The following CPEB3 variants were observed in gnomAD, a reference collection of about 807,000 sequenced individuals.
The protein encoded by CPEB3 is cytoplasmic polyadenylation element-binding protein 3.
Under a neutral mutation model 67.2 loss-of-function variants are expected in CPEB3, and 20 were observed. That is an observed-to-expected ratio of 0.30 (90% CI 0.21 to 0.43). The LOEUF is 0.43. CPEB3 is among the 20% of genes least tolerant of loss of function. The probability of loss-of-function intolerance (pLI) is 1.00; values close to 1 mark genes in which losing one functional copy is unlikely to be tolerated. For missense variants in CPEB3, 746 were observed against 968.6 expected, an observed-to-expected ratio of 0.77 and a Z score of 3.05; for synonymous variants, 376 against 393.1, an observed-to-expected ratio of 0.96 and a Z score of 0.51.
rs1462898528 is a variant in CPEB3, at chr10:92,049,731, G to A, written c.*2481C>T. The A allele has an allele frequency of 3.9e-5, 6 of 152,360 alleles. No individual in the cohort carries two copies. The highest frequency in any genetic ancestry group is 1.5e-4 in the African/African-American group (6 of 41,348). 9.4% of individuals were successfully genotyped at this position (152,360 alleles called of 1,614,324 possible). A position where few individuals can be genotyped will look rare whatever the true frequency, so the allele number is the denominator to read the frequency against. ...TAGCTTTATGCTGTACAATCTTCCA[G>A]CTTTTAAAAAAATCTCAGTGTTATT... is the stretch of plus-strand genomic sequence containing the variant. On this transcript the variant is annotated 3_prime_UTR_variant, in exon 10 of 10. Coordinates refer to ENST00000265997, the MANE Select transcript of CPEB3 (RefSeq NM_014912.5).
chr10:92,280,669 A>C (rs1842243109), intron 1 of CPEB3, among the ~76,000 whole-genome samples: 2 of 150,006 alleles, frequency 1.3e-5, no homozygotes, highest in East Asian at 1.9e-4. Flanking sequence ...AAAAAAAAAA[A>C]AACCAAACAA....
intron 9 of CPEB3, among the ~76,000 whole-genome samples, chr10:92,067,509 A>G (rs956170434): frequency 4.0e-5 from 6 of 150,760 alleles, no homozygotes; most frequent in African/African-American, 1.5e-4. Flanking sequence ...TCAAAGAAAT[A>G]AAAAAAAGAA....
At chr10:92,143,149 G>A (rs1456653313) in intron 5 of CPEB3, 31 bp from the exon 6 acceptor site, 3 of 1,547,002 alleles carry the variant, frequency 1.9e-6, no homozygotes, top group African/African-American at 1.4e-5. Flanking sequence ...CTTAGCAAAA[G>A]AGAAAAAAAT....
chr10:92,111,277 C>A lies in CPEB3; in HGVS notation c.1454-83G>T, dbSNP rs1190725366. 3 of 962,592 alleles carry A rather than the reference C, an allele frequency of 3.1e-6. No homozygotes were observed. In the African/African-American group the frequency reaches 4.9e-5, roughly 16 times the overall value. 59.6% of individuals were successfully genotyped at this position (962,592 alleles called of 1,614,324 possible). On this transcript the variant is annotated intron_variant, in intron 6 of 9. Transcript: ENST00000265997. Reference sequence around the variant, plus strand: ...ACCAATTACAAATTATCTGTTGTTTCATTTTGGCAAATTCTTACTAAAATC... The same window carrying A: ...ACCAATTACAAATTATCTGTTGTTTAATTTTGGCAAATTCTTACTAAAATC...
intron 4 of CPEB3, among the ~76,000 whole-genome samples, chr10:92,162,155 GAGAA>G (rs1249436754): frequency 6.6e-6 from 1 of 150,612 alleles, no homozygotes; most frequent in Non-Finnish European, 1.5e-5. Flanking sequence ...TTTTTTTTAA[GAGAA>G]AGAATCTTTT....
chr10:92,094,580 C>T (rs1434736702), intron 7 of CPEB3, among the ~76,000 whole-genome samples: 1 of 148,896 alleles, frequency 6.7e-6, no homozygotes, highest in Non-Finnish European at 1.5e-5. Flanking sequence ...CCAGCCTGGG[C>T]GGTAGAGCGA....
At chr10:92,065,914 T>G (rs1201932937) in intron 9 of CPEB3, among the ~76,000 whole-genome samples, 1 of 151,908 alleles carries the variant, frequency 6.6e-6, no homozygotes, top group Non-Finnish European at 1.5e-5. Context: ...GGCAACATGC[T>G]GAGACCCCCC....
At chr10:92,190,001 A>G (rs1480134599) in intron 3 of CPEB3, among the ~76,000 whole-genome samples, 1 of 152,056 alleles carries the variant, frequency 6.6e-6, no homozygotes, top group Non-Finnish European at 1.5e-5. Context: ...CTCTGGGGCC[A>G]GGCAGGGTGG....
chr10:92,109,517 G>T (rs904818166), intron 7 of CPEB3, among the ~76,000 whole-genome samples: 5 of 152,234 alleles, frequency 3.3e-5, no homozygotes, highest in Non-Finnish European at 5.9e-5. Flanking sequence ...CTCCCAAAGT[G>T]CTGGGATTAC....
At chr10:92,069,698 C>T (rs1377922062) in intron 9 of CPEB3, among the ~76,000 whole-genome samples, 2 of 152,076 alleles carry the variant, frequency 1.3e-5, no homozygotes, top group African/African-American at 2.4e-5. Flanking sequence ...AGCCACTGTG[C>T]CAGCTACAAT....
chr10:92,221,178 TAAC>T lies in CPEB3; in HGVS notation c.1005+18165_1005+18167del, dbSNP rs555426845. On this transcript the variant is annotated intron_variant, in intron 2 of 9. Coordinates refer to ENST00000265997, the MANE Select transcript of CPEB3 (RefSeq NM_014912.5). The stretch of plus-strand genomic sequence containing the variant: ...AGTTATAACTCCTGTACCAGAAATG[TAAC>T]AACATCTCACTCTTGAATCAAAACT... Among the ~76,000 whole-genome samples, 19 of 152,328 alleles carry T rather than the reference TAAC, an allele frequency of 1.2e-4. No individual in the cohort carries two copies. In the East Asian group the frequency reaches 2.5e-3, roughly 20 times the overall value.
chr10:92,060,181 A>G (rs1842286666), intron 9 of CPEB3, among the ~76,000 whole-genome samples: 1 of 151,626 alleles, frequency 6.6e-6, no homozygotes, highest in South Asian at 2.1e-4. Flanking sequence ...ACATGGTGAA[A>G]CCCCATCTCT....
Position 92,240,298 on chromosome 10 carries a change from T to TGCTGGG in CPEB3, c.47_52dup (p.Pro16_Gln17dup), listed in dbSNP as rs755572797. ...GGGCTGCTGCTGCTGCCGCTGCTGC[T>TGCTGGG]GCTGGGGCTGGGGCTGGGTTTTGCT... On this transcript the variant is annotated inframe_insertion, in exon 2 of 10. Transcript: ENST00000265997. 24 of 1,515,968 alleles carry TGCTGGG rather than the reference T, an allele frequency of 1.6e-5. No homozygotes were observed. The East Asian group carries it at 2.7e-4, about 17-fold the overall frequency. 93.9% of individuals were successfully genotyped at this position (1,515,968 alleles called of 1,614,324 possible).
upstream of CPEB3, chr10:92,291,159 C>T (rs546704624): frequency 4.0e-4 from 175 of 432,796 alleles, no homozygotes; most frequent in African/African-American, 2.7e-3. Flanking sequence ...ACGGAGGCGG[C>T]GACTCTTACC....
intron 9 of CPEB3, among the ~76,000 whole-genome samples, chr10:92,070,288 C>T (rs933447517): frequency 2.9e-4 from 44 of 152,146 alleles, no homozygotes; most frequent in Non-Finnish European, 1.9e-4. Context: ...AATAAACCAG[C>T]CTTTCTTTAA....
chr10:92,213,988 A>G (rs891351924), intron 2 of CPEB3, among the ~76,000 whole-genome samples: 1 of 152,170 alleles, frequency 6.6e-6, no homozygotes. Flanking sequence ...AACCATACAT[A>G]TGACTCAACT....
chr10:92,144,057 C>T (rs1846564202), intron 5 of CPEB3, among the ~76,000 whole-genome samples: 1 of 151,956 alleles, frequency 6.6e-6, no homozygotes, highest in South Asian at 2.1e-4. Flanking sequence ...TTGTTTTTTG[C>T]TTAAGTTAAC....
At chr10:92,053,656 C>A (rs935446452) in intron 9 of CPEB3, among the ~76,000 whole-genome samples, 1 of 152,088 alleles carries the variant, frequency 6.6e-6, no homozygotes, top group Non-Finnish European at 1.5e-5. Flanking sequence ...ATTCTCCTGC[C>A]TTAGCCTCCT....
intron 2 of CPEB3, among the ~76,000 whole-genome samples, chr10:92,218,271 G>A (rs576234161): frequency 6.6e-6 from 1 of 152,294 alleles, no homozygotes; most frequent in South Asian, 2.1e-4. Context: ...GCCCAGAGTG[G>A]CGGCACACAC....
Sources: gnomAD v4.1 joint callset for allele counts (sites outside exome capture counted in the v4.1 genomes callset) on GRCh38, gnomAD v4.1.1 for gene constraint, MANE v1.5 for transcripts, NCBI Gene and HGNC (gene_info 2026-07-23, HGNC 2026-07-21) for gene names.